The following FARS2 variants were observed in gnomAD, a reference collection of about 807,000 sequenced individuals.
FARS2 encodes the protein phenylalanyl-tRNA synthetase 2, mitochondrial.
Under a neutral mutation model 46.4 loss-of-function variants are expected in FARS2, and 40 were observed. The observed-to-expected ratio is 0.86, with a 90% CI of 0.67 to 1.12. FARS2 has a LOEUF of 1.12. Among genes scored for constraint, FARS2 ranks in the 50% most tolerant of loss-of-function variants. The pLI, the probability that FARS2 is intolerant of heterozygous loss-of-function variation, is 0.00. For missense variants in FARS2, 513 were observed against 567.9 expected (o/e 0.90, Z 0.98); for synonymous variants, 234 against 214.9 (o/e 1.09, Z -0.78).
rs749153512 is a variant in FARS2 at position 5,540,911 on chromosome 6, TATG to T, written c.905-4265_905-4263del. ...GATCCGCTATATTATGACAAGGACA[TATG>T]ATGTTTAGAGAACTGTGGATAATCT... On this transcript the variant is annotated intron_variant, in intron 4 of 6. Transcript: ENST00000274680. Among the ~76,000 whole-genome samples the T allele has an allele frequency of 2.2e-4, 33 of 152,236 alleles. No homozygotes were observed. The East Asian group carries it at 5.6e-3, about 26-fold the overall frequency.
intron 6 of FARS2, among the ~76,000 whole-genome samples, chr6:5,703,039 G>T (rs1354360850): frequency 6.6e-6 from 1 of 152,130 alleles, no homozygotes; most frequent in Non-Finnish European, 1.5e-5. Flanking sequence ...AGTAAAACTA[G>T]GTCTGAAATT....
intron 1 of FARS2, among the ~76,000 whole-genome samples, chr6:5,315,853 A>G (rs1219410617): frequency 2.0e-5 from 3 of 152,176 alleles, no homozygotes; most frequent in Admixed American, 2.0e-4. Flanking sequence ...GCAAATGACC[A>G]TGATAAACTA....
At chr6:5,558,054 T>C (rs959567869) in intron 5 of FARS2, among the ~76,000 whole-genome samples, 8 of 152,104 alleles carry the variant, frequency 5.3e-5, no homozygotes, top group African/African-American at 1.7e-4. Context: ...CTAATTCAAA[T>C]GGAAAAGTCA....
intron 1 of FARS2, among the ~76,000 whole-genome samples, chr6:5,320,671 A>T (rs1267668754): frequency 6.6e-6 from 1 of 152,230 alleles, no homozygotes; most frequent in East Asian, 1.9e-4. Flanking sequence ...TGAGAAAATG[A>T]TGCTTTCTAA....
intron 1 of FARS2, among the ~76,000 whole-genome samples, chr6:5,279,153 G>A (rs114847258): frequency 0.021 from 3,130 of 152,034 alleles, 48 homozygotes; most frequent in South Asian, 0.056. Flanking sequence ...CTAGGCGGGC[G>A]GATCATGAGG....
intron 1 of FARS2, among the ~76,000 whole-genome samples, chr6:5,265,787 T>TA (rs1174442263): frequency 2.6e-5 from 4 of 152,222 alleles, no homozygotes; most frequent in African/African-American, 9.6e-5. Flanking sequence ...AAAACAGCAA[T>TA]AACTTTTCTA....
chr6:5,266,422 G>A (rs994718905), intron 1 of FARS2, among the ~76,000 whole-genome samples: 1 of 152,036 alleles, frequency 6.6e-6, no homozygotes, highest in Non-Finnish European at 1.5e-5. Flanking sequence ...TCCCAGCACT[G>A]TGGGAGGCTG....
chr6:5,503,522 T>C (rs1767932942), intron 4 of FARS2, among the ~76,000 whole-genome samples: 1 of 151,656 alleles, frequency 6.6e-6, no homozygotes, highest in Non-Finnish European at 1.5e-5. Context: ...TCTTATTGCA[T>C]ACCGCAAGTA....
At chr6:5,644,890 G>T (rs781540795) in intron 6 of FARS2, among the ~76,000 whole-genome samples, 1 of 152,256 alleles carries the variant, frequency 6.6e-6, no homozygotes, top group South Asian at 2.1e-4. Flanking sequence ...CTCTGGATAC[G>T]TTTACAAATG....
intron 6 of FARS2, among the ~76,000 whole-genome samples, chr6:5,698,476 T>C (rs1164252589): frequency 6.6e-6 from 1 of 152,152 alleles, no homozygotes; most frequent in African/African-American, 2.4e-5. Flanking sequence ...AGCATGAGAT[T>C]TGGGCAGGGA....
chr6:5,689,512 A>T (rs1167405076), intron 6 of FARS2, among the ~76,000 whole-genome samples: 5 of 152,118 alleles, frequency 3.3e-5, no homozygotes, highest in African/African-American at 1.2e-4. Flanking sequence ...AGCGGTTTTG[A>T]GTGAGTTTCT....
chr6:5,324,379 C>A (rs569070010), intron 1 of FARS2, among the ~76,000 whole-genome samples: 8 of 149,662 alleles, frequency 5.3e-5, no homozygotes, highest in Non-Finnish European at 8.9e-5. Context: ...CTTTCTCTTT[C>A]CTTACTTGCC....
chr6:5,387,073 T>G (rs922118876), intron 2 of FARS2, among the ~76,000 whole-genome samples: 1 of 152,074 alleles, frequency 6.6e-6, no homozygotes, highest in Non-Finnish European at 1.5e-5. Context: ...AACCTAACTG[T>G]ATTTGTGAGA....
chr6:5,618,832 G>C (rs959193292), intron 6 of FARS2, among the ~76,000 whole-genome samples: 6 of 152,162 alleles, frequency 3.9e-5, no homozygotes, highest in African/African-American at 9.7e-5. Flanking sequence ...AGGGGACCAG[G>C]TTGCCATGTC....
intron 6 of FARS2, among the ~76,000 whole-genome samples, chr6:5,665,682 A>G (rs1778080142): frequency 6.6e-6 from 1 of 152,366 alleles, no homozygotes; most frequent in South Asian, 2.1e-4. Context: ...GTCTGGAAAC[A>G]TAAGGGGCTG....
chr6:5,256,489 T>A (rs1477039683), upstream of FARS2, among the ~76,000 whole-genome samples: 2 of 10,498 alleles, frequency 1.9e-4, no homozygotes, highest in Non-Finnish European at 2.8e-4. Flanking sequence ...AGATTTCAAC[T>A]GGAAAAAAAA....
intron 6 of FARS2, among the ~76,000 whole-genome samples, chr6:5,726,751 C>T (rs148748253): frequency 6.6e-5 from 10 of 152,240 alleles, no homozygotes; most frequent in African/African-American, 1.9e-4. Flanking sequence ...TCTTGATCTG[C>T]GAACCCCTCT....
At chr6:5,402,215 TTTTA>T (rs1761298176) in intron 2 of FARS2, among the ~76,000 whole-genome samples, 1 of 151,334 alleles carries the variant, frequency 6.6e-6, no homozygotes, top group Non-Finnish European at 1.5e-5. Flanking sequence ...TCTGAGATGA[TTTTA>T]TTTCTTTTTT....
intron 1 of FARS2, among the ~76,000 whole-genome samples, chr6:5,309,356 T>C (rs1481709462): frequency 6.6e-6 from 1 of 152,140 alleles, no homozygotes; most frequent in African/African-American, 2.4e-5. Context: ...ACACTTTCTT[T>C]AGACTTGGCA....
Sources: allele counts gnomAD v4.1 joint callset (sites outside exome capture counted in the v4.1 genomes callset), GRCh38; gene constraint gnomAD v4.1.1; transcripts MANE v1.5; gene names NCBI Gene and HGNC (gene_info 2026-07-23, HGNC 2026-07-21).